SIPA1L2: variants seen among roughly 807,000 people sequenced by gnomAD.
SIPA1L2 encodes the protein signal-induced proliferation-associated 1-like protein 2.
Under a neutral mutation model 163.9 loss-of-function variants are expected in SIPA1L2, and 56 were observed. The observed-to-expected ratio is 0.34, with a 90% CI of 0.28 to 0.43. SIPA1L2 has a LOEUF of 0.43. Ranked by LOEUF, SIPA1L2 falls within the 20% of genes least tolerant of loss-of-function variation. SIPA1L2 has a pLI of 1.00. For synonymous variants in SIPA1L2, 877 were observed against 865.7 expected (o/e 1.01, Z -0.23); for missense variants, 1,974 against 2,193.5 (o/e 0.90, Z 2.00).
intron 1 of SIPA1L2, among the ~76,000 whole-genome samples, chr1:232,614,107 A>G (rs1662385457): frequency 6.6e-6 from 1 of 152,126 alleles, no homozygotes; most frequent in African/African-American, 2.4e-5. Flanking sequence ...TCCCCAACCA[A>G]CAGACTACAC....
intron 1 of SIPA1L2, among the ~76,000 whole-genome samples, chr1:232,625,615 T>A (rs991340154): frequency 6.6e-6 from 1 of 152,074 alleles, no homozygotes; most frequent in Non-Finnish European, 1.5e-5. Flanking sequence ...ACATGCAACC[T>A]ATGACAAGAC....
chr1:232,573,384 AGG>A (rs1659907483), intron 2 of SIPA1L2, among the ~76,000 whole-genome samples: 1 of 152,206 alleles, frequency 6.6e-6, no homozygotes, highest in Non-Finnish European at 1.5e-5. Flanking sequence ...TGAAGTGCTT[AGG>A]GGTAAAAGGT....
chr1:232,415,160 T>C (rs1661174028), intron 19 of SIPA1L2, among the ~76,000 whole-genome samples: 1 of 152,214 alleles, frequency 6.6e-6, no homozygotes, highest in Non-Finnish European at 1.5e-5. Flanking sequence ...CAGTATGCTA[T>C]GAGGAAAGAC....
intron 8 of SIPA1L2, among the ~76,000 whole-genome samples, chr1:232,469,706 A>G (rs1001899596): frequency 6.6e-6 from 1 of 152,066 alleles, no homozygotes; most frequent in Non-Finnish European, 1.5e-5. Context: ...AAAATAAGGC[A>G]ATGTACTTTG....
intron 1 of SIPA1L2, among the ~76,000 whole-genome samples, chr1:232,592,833 C>A (rs1440847936): frequency 6.7e-6 from 1 of 150,262 alleles, no homozygotes; most frequent in African/African-American, 2.4e-5. Context: ...GGTGAAAATG[C>A]CCTTTTCTTC....
At chr1:232,409,674 G>T (rs1270875495) in intron 19 of SIPA1L2, among the ~76,000 whole-genome samples, 1 of 152,136 alleles carries the variant, frequency 6.6e-6, no homozygotes, top group Admixed American at 6.6e-5. Flanking sequence ...GGTCCCACTA[G>T]GCCTCAGCCA....
chr1:232,619,867 A>T (rs2102887406), intron 1 of SIPA1L2, among the ~76,000 whole-genome samples: 1 of 151,962 alleles, frequency 6.6e-6, no homozygotes, highest in East Asian at 1.9e-4. Context: ...AGGATATTCT[A>T]CTCTGCTCTT....
At position 232,461,020 on chromosome 1, in the gene SIPA1L2, C is replaced by A. The variant is rs750232223; in HGVS notation, c.2962G>T (p.Gly988Trp). 5 of 1,614,278 alleles carry A rather than the reference C, an allele frequency of 3.1e-6. No individual in the cohort carries two copies. The highest frequency in any genetic ancestry group is 4.2e-6 in the Non-Finnish European group (5 of 1,180,048). Residue 988 changes from glycine to tryptophan, a missense_variant, in exon 10 of 23, where the codon GGG (glycine) becomes TGG (tryptophan). By Grantham distance (184) the Gly-to-Trp change is radical. Around this residue, in one of 3 missense-constraint regions of SIPA1L2, gnomAD observed 1,079 missense variants for 1,150.7 expected, o/e 0.94. Transcript: ENST00000674635. ...TTGCAGATCTCCACGAGGCGGCTCC[C>A]TTGGCGAAGGCCAGCCTTCCAGGCA... ...GFAWKAGLRQ[G>W]SRLVEICKVA...
intron 3 of SIPA1L2, among the ~76,000 whole-genome samples, chr1:232,499,572 T>TA (rs1308156584): frequency 6.6e-6 from 1 of 152,120 alleles, no homozygotes; most frequent in Non-Finnish European, 1.5e-5. Context: ...AGGTTTAAGG[T>TA]AAGAAGCTAT....
At chr1:232,462,081 G>GT in intron 9 of SIPA1L2, 1 of 832,896 alleles carries the variant, frequency 1.2e-6, no homozygotes, top group Non-Finnish European at 2.0e-6. Context: ...TTACTCAAGA[G>GT]TGAGAGAGAG....
chr1:232,576,978 C>T (rs1285510788), intron 1 of SIPA1L2, among the ~76,000 whole-genome samples: 1 of 152,152 alleles, frequency 6.6e-6, no homozygotes, highest in Non-Finnish European at 1.5e-5. Flanking sequence ...GAGAGCTACA[C>T]TAAACAGCAA....
chr1:232,441,822 C>A lies in SIPA1L2; in HGVS notation c.3484G>T (p.Glu1162Ter). The A allele has an allele frequency of 6.2e-7, 1 of 1,613,812 alleles. No individual in the cohort carries two copies. Among genetic ancestry groups the A allele is most frequent in the Non-Finnish European group, 8.5e-7 (1 of 1,179,920 alleles). ...LLEHQGSGPL[E>*]CDGAREREDT... Reference sequence around the variant, plus strand: ...TCCCTCTCCCTGGCTCCGTCACATTCCAAAGGGCCTGAGCCCTGGTGTTCG... The same window carrying A: ...TCCCTCTCCCTGGCTCCGTCACATTACAAAGGGCCTGAGCCCTGGTGTTCG... The change falls in exon 13 of 23, where the codon GAA becomes TAA. Residue 1162 changes from glutamate to a stop codon, truncating the protein, a stop_gained. Transcript: ENST00000674635. LOFTEE classifies it high-confidence loss of function.
intron 7 of SIPA1L2, among the ~76,000 whole-genome samples, chr1:232,475,995 A>G (rs1665027240): frequency 6.6e-6 from 1 of 152,186 alleles, no homozygotes; most frequent in Admixed American, 6.5e-5. Context: ...AAAGCTAAGT[A>G]AGCATTTTAT....
At chr1:232,449,386 T>C (rs929132260) in intron 10 of SIPA1L2, among the ~76,000 whole-genome samples, 1 of 151,618 alleles carries the variant, frequency 6.6e-6, no homozygotes, top group Non-Finnish European at 1.5e-5. Context: ...GGCACGGTGG[T>C]GGGCGTCTGT....
intron 3 of SIPA1L2, among the ~76,000 whole-genome samples, chr1:232,501,172 C>G (rs1217034905): frequency 4.0e-5 from 6 of 148,718 alleles, no homozygotes; most frequent in Non-Finnish European, 7.4e-5. Context: ...GTTCTCCTGC[C>G]TCAGCCTCCT....
In SIPA1L2 at chr1:232,421,417, A is replaced by AT. The variant is rs75657843; in HGVS notation, c.4630+4171dup. On this transcript the variant is annotated intron_variant, in intron 18 of 22. Coordinates refer to ENST00000674635, the MANE Select transcript of SIPA1L2 (RefSeq NM_020808.5). ...TGAGTCTGAGTTTATTGCTATTATT[A>AT]TAAATGCCAAGGAGCCTCTCAACAG... 0.037 allele frequency among the ~76,000 whole-genome samples: 5,598 copies of AT among 152,288 alleles called. 594 individuals carry two copies. In the East Asian group the frequency reaches 0.42, roughly 11 times the overall value.
intron 7 of SIPA1L2, among the ~76,000 whole-genome samples, chr1:232,475,875 T>C (rs1053415179): frequency 2.6e-5 from 4 of 151,316 alleles, no homozygotes; most frequent in Admixed American, 6.6e-5. Flanking sequence ...AAATGTCTCT[T>C]TCTTCTTTCT....
chr1:232,438,495 A>G (rs962597020), intron 15 of SIPA1L2, among the ~76,000 whole-genome samples: 1 of 152,260 alleles, frequency 6.6e-6, no homozygotes, highest in African/African-American at 2.4e-5. Context: ...AAGTATGTCA[A>G]ACAGGAGTTT....
intron 1 of SIPA1L2, among the ~76,000 whole-genome samples, chr1:232,598,998 G>A (rs1254665426): frequency 1.1e-5 from 1 of 94,054 alleles, no homozygotes; most frequent in South Asian, 3.7e-4. Flanking sequence ...CAAATCCTGC[G>A]ATTTTTTAGC....
Sources: gnomAD v4.1 joint callset for allele counts (sites outside exome capture counted in the v4.1 genomes callset) on GRCh38, gnomAD v4.1.1 for gene constraint, gnomAD v4.1.1 regional missense constraint, MANE v1.5 for transcripts, NCBI Gene and HGNC (gene_info 2026-07-23, HGNC 2026-07-21) for gene names.